The following RPA1 variants were observed in gnomAD, a reference collection of about 807,000 sequenced individuals.
RPA1 encodes the protein replication protein A 70 kDa DNA-binding subunit.
Under a neutral mutation model 83.0 loss-of-function variants are expected in RPA1, and 49 were observed. The observed-to-expected ratio is 0.59, with a 90% CI of 0.47 to 0.75. RPA1 has a LOEUF of 0.75. Among genes scored for constraint, RPA1 ranks in the 30% least tolerant of loss-of-function variants. The probability of loss-of-function intolerance (pLI) is 0.00; values close to 1 mark genes in which losing one functional copy is unlikely to be tolerated. For synonymous variants in RPA1, 279 were observed against 281.8 expected (o/e 0.99, Z 0.10); for missense variants, 693 against 776.1 (o/e 0.89, Z 1.27).
At position 1,877,239 on chromosome 17, in the gene RPA1, C is replaced by T. The variant is rs1567820429; in HGVS notation, c.615C>T (p.Asn205=). The T allele has an allele frequency of 6.2e-7, 1 of 1,614,178 alleles. No individual in the cohort carries two copies. Among genetic ancestry groups the T allele is most frequent in the South Asian group, 1.1e-5 (1 of 91,086 alleles). The change falls in exon 8 of 17, where the codon AAC becomes AAT. Residue 205 remains asparagine, a synonymous_variant. Coordinates refer to ENST00000254719, the MANE Select transcript of RPA1 (RefSeq NM_002945.5). ...GGACCATTTGTGCTCGTGTTACCAA[C>T]AAAAGTCAGATCCGTACCTGGAGCA... ...SKWTICARVT[N]KSQIRTWSNS...
rs1381514130 is a variant in RPA1 at position 1,864,311 on chromosome 17, C to G, written c.362-8123C>G. On this transcript the variant is annotated intron_variant, in intron 5 of 16. Transcript: ENST00000254719. ...CAGCACTTTGGGAGGCTGAGGTGGG[C>G]GAATCACCTGAGGTCAGGAGTTTGA... is the stretch of plus-strand genomic sequence containing the variant. Among the ~76,000 whole-genome samples, 5 of 152,046 alleles carry G rather than the reference C, an allele frequency of 3.3e-5. No homozygotes were observed. The East Asian group carries it at 5.8e-4, about 18-fold the overall frequency.
intron 1 of RPA1, 131 bp downstream of exon 1, chr17:1,830,257 T>TGTGGGGGGGGGGGGGG: frequency 2.3e-6 from 1 of 429,398 alleles, no homozygotes; most frequent in South Asian, 1.1e-4. Flanking sequence ...CGGGGGGCGG[T>TGTGGGGGGGGGGGGGG]GGGGACCCGC....
At chr17:1,864,918 A>G (rs1005719434) in intron 5 of RPA1, among the ~76,000 whole-genome samples, 1 of 152,106 alleles carries the variant, frequency 6.6e-6, no homozygotes, top group Non-Finnish European at 1.5e-5. Flanking sequence ...AAATAAAAAC[A>G]AATTAGTTGG....
intron 5 of RPA1, among the ~76,000 whole-genome samples, chr17:1,864,604 A>T (rs1913112025): frequency 6.6e-6 from 1 of 152,066 alleles, no homozygotes; most frequent in Admixed American, 6.6e-5. Context: ...ACTAACTTTT[A>T]CTATTAGTAG....
chr17:1,841,655 C>T (rs1013037413), intron 1 of RPA1, among the ~76,000 whole-genome samples: 2 of 152,148 alleles, frequency 1.3e-5, no homozygotes, highest in African/African-American at 4.8e-5. Flanking sequence ...TAGTTAGAAC[C>T]TCTAATACCA....
intron 16 of RPA1, among the ~76,000 whole-genome samples, chr17:1,895,355 T>A (rs983065409): frequency 1.3e-5 from 2 of 151,492 alleles, no homozygotes; most frequent in African/African-American, 4.8e-5. Context: ...TTTATTTTTA[T>A]TTTTTTTCAG....
chr17:1,848,463 C>T (rs1322158622), intron 4 of RPA1, among the ~76,000 whole-genome samples: 1 of 151,520 alleles, frequency 6.6e-6, no homozygotes, highest in African/African-American at 2.4e-5. Flanking sequence ...ATACAAAAAT[C>T]AGCCGGGCAT....
intron 5 of RPA1, among the ~76,000 whole-genome samples, chr17:1,863,394 G>T (rs1212462141): frequency 2.6e-5 from 4 of 151,746 alleles, no homozygotes; most frequent in Non-Finnish European, 5.9e-5. Context: ...TTTATTTTTA[G>T]TAGAGACGGC....
chr17:1,833,101 AT>A (rs1294557525), intron 1 of RPA1, among the ~76,000 whole-genome samples: 2 of 151,806 alleles, frequency 1.3e-5, no homozygotes, highest in Non-Finnish European at 2.9e-5. Flanking sequence ...TAATTTTTGT[AT>A]TTTTAGTAGA....
In RPA1 at chr17:1,883,708, G is replaced by C. The variant is rs17338983; in HGVS notation, c.1242-104G>C. ...CCGTGACCTGTGTGAAAGCTGGGCG[G>C]GTGGTGGGAAACCTGTGTCTGTCGC... is the stretch of plus-strand genomic sequence containing the variant. On this transcript the variant is annotated intron_variant, in intron 12 of 16. Transcript: ENST00000254719. 2.4e-3 allele frequency: 3,536 copies of C among 1,467,440 alleles called. 79 individuals are homozygous for C. In the African/African-American group the frequency reaches 0.043, roughly 18 times the overall value. The allele number at this position is 1,467,440 out of a possible 1,614,324, so 90.9% of individuals were successfully genotyped here.
chr17:1,870,393 T>C (rs1353836513), intron 5 of RPA1, among the ~76,000 whole-genome samples: 1 of 152,222 alleles, frequency 6.6e-6, no homozygotes. Flanking sequence ...AATTTACATG[T>C]TAAAATGTGA....
intron 2 of RPA1, among the ~76,000 whole-genome samples, chr17:1,843,687 G>C (rs2151271178): frequency 6.6e-6 from 1 of 151,214 alleles, no homozygotes; most frequent in Non-Finnish European, 1.5e-5. Flanking sequence ...GAACACAAGA[G>C]TATAGGCAGC....
chr17:1,898,363 C>T lies in RPA1; in HGVS notation c.*1188C>T, dbSNP rs1192113714. On this transcript the variant is annotated 3_prime_UTR_variant, in exon 17 of 17. Coordinates refer to ENST00000254719, the MANE Select transcript of RPA1 (RefSeq NM_002945.5). ...AACCACGCTTTGAAATGTGTACAGA[C>T]AGTGAGCTGGTAAGAAAACAGTAAT... The T allele has an allele frequency of 6.6e-6, 1 of 152,272 alleles. No individual in the cohort carries two copies. Among genetic ancestry groups the T allele is most frequent in the Non-Finnish European group, 1.5e-5 (1 of 68,060 alleles). 9.4% of individuals were successfully genotyped at this position (152,272 alleles called of 1,614,324 possible).
intron 5 of RPA1, chr17:1,858,458 G>T: frequency 7.8e-7 from 1 of 1,286,536 alleles, no homozygotes; most frequent in Non-Finnish European, 1.1e-6. Flanking sequence ...TTGGGTTCTG[G>T]TCTCTCTTTT....
intron 5 of RPA1, among the ~76,000 whole-genome samples, chr17:1,855,216 G>A (rs1912644846): frequency 1.3e-5 from 2 of 152,016 alleles, no homozygotes; most frequent in Admixed American, 1.3e-4. Flanking sequence ...AGGCTGGAGT[G>A]CAGTGGTGCC....
At chr17:1,840,608 T>A (rs1188719288) in intron 1 of RPA1, among the ~76,000 whole-genome samples, 1 of 151,912 alleles carries the variant, frequency 6.6e-6, no homozygotes, top group Non-Finnish European at 1.5e-5. Flanking sequence ...ACAGGTCTCC[T>A]TCTGTTGCCC....
At chr17:1,895,970 C>T (rs573661202) in intron 16 of RPA1, among the ~76,000 whole-genome samples, 5 of 152,200 alleles carry the variant, frequency 3.3e-5, no homozygotes, top group African/African-American at 1.2e-4. Context: ...AGGCATGAGC[C>T]ACCGCGCCCA....
At chr17:1,843,598 C>CATTATTATTATT (rs139126914) in intron 2 of RPA1, among the ~76,000 whole-genome samples, 14,541 of 140,952 alleles carry the variant, frequency 0.1, 830 homozygotes, top group East Asian at 0.16. Context: ...TTGGGTGCTT[C>CATTATTATTATT]ATTATTATTA....
chr17:1,849,289 C>CTTTTTT lies in RPA1; in HGVS notation c.273-3796_273-3791dup, dbSNP rs61062085. The stretch of plus-strand genomic sequence containing the variant: ...TCCCTCCAAATTTTTGTTGGCTGTT[C>CTTTTTT]TTTTTTTTTTTTTTTTTTTTTGAGA... On this transcript the variant is annotated intron_variant, in intron 4 of 16. Transcript: ENST00000254719. Among the ~76,000 whole-genome samples the CTTTTTT allele has an allele frequency of 1.0e-3, 119 of 116,306 alleles. 1 individual carries two copies. Among genetic ancestry groups the CTTTTTT allele is most frequent in the African/African-American group, 1.5e-3 (43 of 29,090 alleles). The allele number at this position is 116,306 out of a possible 152,430, so 76.3% of individuals were successfully genotyped here. A position where few individuals can be genotyped will look rare whatever the true frequency, so the allele number is the denominator to read the frequency against.
Sources: allele counts gnomAD v4.1 joint callset (sites outside exome capture counted in the v4.1 genomes callset), GRCh38; gene constraint gnomAD v4.1.1; transcripts MANE v1.5; gene names NCBI Gene and HGNC (gene_info 2026-07-23, HGNC 2026-07-21).